SNX24: variants seen among roughly 807,000 people sequenced by gnomAD.
SNX24 encodes the protein sorting nexin-24.
In SNX24, 22 loss-of-function variants were observed where a neutral mutation model predicts 28.7. That is an observed-to-expected ratio of 0.77 (90% CI 0.55 to 1.10). The LOEUF is 1.10. SNX24 is among the 50% of genes least tolerant of loss of function. SNX24 has a pLI of 0.00. For synonymous variants in SNX24, 69 were observed against 71.5 expected, an observed-to-expected ratio of 0.96 and a Z score of 0.18; for missense variants, 221 against 201.1, an observed-to-expected ratio of 1.10 and a Z score of -0.60.
chr5:122,918,099 T>C lies in SNX24; in HGVS notation c.61-18635T>C, dbSNP rs568425866. Among the ~76,000 whole-genome samples, 64 of 151,536 alleles carry C rather than the reference T, an allele frequency of 4.2e-4. 1 individual carries two copies. The highest frequency in any genetic ancestry group is 8.1e-4 in the Non-Finnish European group (55 of 67,932). ...CATCTCAAAAATAATAATAAACAAATAAATAAATAAATAAAATAATGCCAA... is the reference window on the plus strand; with the variant it reads ...CATCTCAAAAATAATAATAAACAAACAAATAAATAAATAAAATAATGCCAA... On this transcript the variant is annotated intron_variant, in intron 1 of 6. Transcript: ENST00000261369.
chr5:123,001,186 T>G (rs1272560777), intron 4 of SNX24, among the ~76,000 whole-genome samples: 2 of 152,234 alleles, frequency 1.3e-5, no homozygotes, highest in African/African-American at 4.8e-5. Flanking sequence ...ACCTGAGGAT[T>G]TTTAAGTAAT....
intron 5 of SNX24, among the ~76,000 whole-genome samples, chr5:123,020,871 A>G (rs1762751880): frequency 6.6e-6 from 1 of 152,132 alleles, no homozygotes; most frequent in African/African-American, 2.4e-5. Flanking sequence ...CTCTTTCCCA[A>G]TCATTCTGGA....
At chr5:122,975,295 A>T (rs1208036581) in intron 3 of SNX24, among the ~76,000 whole-genome samples, 1 of 152,042 alleles carries the variant, frequency 6.6e-6, no homozygotes, top group Non-Finnish European at 1.5e-5. Flanking sequence ...AGGCTGCCAG[A>T]TACATACTTG....
In SNX24 at chr5:123,008,924, A is replaced by T. The variant is rs569613146; in HGVS notation, c.*1175A>T. 7.1e-6 allele frequency: 7 copies of T among 984,960 alleles called. No individual in the cohort carries two copies. In the South Asian group the frequency reaches 1.4e-4, roughly 20 times the overall value. The allele number at this position is 984,960 out of a possible 1,614,324, so 61.0% of individuals were successfully genotyped here. Reference sequence around the variant, plus strand: ...TTGAGATCTAATTAATAGCTAGCCTATTTATGGTTATTCGTTTTAGTAAGT... The same window carrying T: ...TTGAGATCTAATTAATAGCTAGCCTTTTTATGGTTATTCGTTTTAGTAAGT... On this transcript the variant is annotated 3_prime_UTR_variant, in exon 7 of 7. Coordinates refer to ENST00000261369, the MANE Select transcript of SNX24 (RefSeq NM_014035.4).
chr5:122,939,849 A>G (rs1759362754), intron 2 of SNX24, among the ~76,000 whole-genome samples: 1 of 152,018 alleles, frequency 6.6e-6, no homozygotes, highest in African/African-American at 2.4e-5. Context: ...TTCCTAACCT[A>G]CCTCCATCAC....
chr5:122,932,786 G>C (rs1051253152), intron 1 of SNX24, among the ~76,000 whole-genome samples: 2 of 148,370 alleles, frequency 1.3e-5, no homozygotes, highest in African/African-American at 5.0e-5. Flanking sequence ...GTGAACCCAG[G>C]GGGCGGAGCT....
At chr5:122,933,614 T>C (rs769448185) in intron 1 of SNX24, among the ~76,000 whole-genome samples, 14 of 152,210 alleles carry the variant, frequency 9.2e-5, no homozygotes, top group Non-Finnish European at 1.3e-4. Flanking sequence ...TTTCCACATA[T>C]TTTGTGCACT....
At chr5:122,899,923 A>G (rs1258448382) in intron 1 of SNX24, among the ~76,000 whole-genome samples, 1 of 152,234 alleles carries the variant, frequency 6.6e-6, no homozygotes. Context: ...AGTAGAACCC[A>G]TTTTAAAAAT....
At chr5:122,874,348 G>A (rs768400806) in intron 1 of SNX24, among the ~76,000 whole-genome samples, 5 of 152,210 alleles carry the variant, frequency 3.3e-5, no homozygotes, top group Non-Finnish European at 5.9e-5. Context: ...TACTGGGCCT[G>A]CTTTCACAAC....
intron 3 of SNX24, among the ~76,000 whole-genome samples, chr5:122,969,304 C>T (rs766846667): frequency 6.6e-6 from 1 of 152,148 alleles, no homozygotes; most frequent in Non-Finnish European, 1.5e-5. Context: ...CTCACTTCCA[C>T]ATAGCTGAAA....
intron 3 of SNX24, among the ~76,000 whole-genome samples, chr5:122,997,766 G>T (rs551946396): frequency 6.6e-6 from 1 of 152,134 alleles, no homozygotes; most frequent in Admixed American, 6.5e-5. Context: ...TTTTAAGAAG[G>T]TGGGGGTGGA....
intron 1 of SNX24, among the ~76,000 whole-genome samples, chr5:122,930,690 TTCTTCTCATTGTAGATTGGATA>T (rs1758913400): frequency 6.6e-6 from 1 of 152,226 alleles, no homozygotes; most frequent in Admixed American, 6.5e-5. Flanking sequence ...TCATCAGGGA[TTCTTCTCATTGTAGATTGGATA>T]TTTATTCTCT....
chr5:122,927,712 TA>T (rs1464128377), intron 1 of SNX24, among the ~76,000 whole-genome samples: 4 of 152,210 alleles, frequency 2.6e-5, no homozygotes. Context: ...TGATATGATC[TA>T]AAGGCCCCTA....
At chr5:122,867,397 C>T (rs763550030) in intron 1 of SNX24, among the ~76,000 whole-genome samples, 5 of 152,194 alleles carry the variant, frequency 3.3e-5, no homozygotes, top group African/African-American at 4.8e-5. Context: ...AAGGACAAAA[C>T]TCTGCCCCTT....
At chr5:122,863,405 G>A (rs1755570403) in intron 1 of SNX24, among the ~76,000 whole-genome samples, 1 of 152,106 alleles carries the variant, frequency 6.6e-6, no homozygotes, top group African/African-American at 2.4e-5. Context: ...GGAAAATAGA[G>A]AGTGATAAGA....
chr5:122,863,308 G>A (rs1171906376), intron 1 of SNX24, among the ~76,000 whole-genome samples: 1 of 152,040 alleles, frequency 6.6e-6, no homozygotes, highest in African/African-American at 2.4e-5. Flanking sequence ...TTAGGCAGAA[G>A]GAGCAGTATG....
At chr5:122,967,507 T>C (rs2150144069) in intron 3 of SNX24, among the ~76,000 whole-genome samples, 1 of 152,244 alleles carries the variant, frequency 6.6e-6, no homozygotes, top group East Asian at 1.9e-4. Flanking sequence ...AGGTGGACCA[T>C]GTACAATGAT....
At chr5:122,875,891 C>T (rs1476310040) in intron 1 of SNX24, among the ~76,000 whole-genome samples, 3 of 152,192 alleles carry the variant, frequency 2.0e-5, no homozygotes, top group Non-Finnish European at 4.4e-5. Flanking sequence ...CAGGTTCAAG[C>T]GATTCTCTTG....
chr5:122,897,596 G>T (rs1757258504), intron 1 of SNX24, among the ~76,000 whole-genome samples: 1 of 152,082 alleles, frequency 6.6e-6, no homozygotes, highest in South Asian at 2.1e-4. Flanking sequence ...ATACTTATTT[G>T]TGACAATACA....
Sources: gnomAD v4.1 joint callset for allele counts (sites outside exome capture counted in the v4.1 genomes callset) on GRCh38, gnomAD v4.1.1 for gene constraint, MANE v1.5 for transcripts, NCBI Gene and HGNC (gene_info 2026-07-23, HGNC 2026-07-21) for gene names.